The following RFX3 variants were observed in gnomAD, a reference collection of about 807,000 sequenced individuals.
RFX3 encodes the protein transcription factor RFX3.
In RFX3, 14 loss-of-function variants were observed where a neutral mutation model predicts 98.6. That is an observed-to-expected ratio of 0.14 (90% CI 0.09 to 0.22). The LOEUF is 0.22. RFX3 is among the 10% of genes least tolerant of loss of function. RFX3 has a pLI of 1.00. For synonymous variants in RFX3, 383 were observed against 328.4 expected, an observed-to-expected ratio of 1.17 and a Z score of -1.80; for missense variants, 639 against 926.9, an observed-to-expected ratio of 0.69 and a Z score of 4.03.
chr9:3,466,684 T>C (rs1848251313), intron 1 of RFX3, among the ~76,000 whole-genome samples: 1 of 152,076 alleles, frequency 6.6e-6, no homozygotes, highest in Admixed American at 6.6e-5. Context: ...GATTCAAAGA[T>C]AACTAGGTGA....
chr9:3,301,630 G>A lies in RFX3; in HGVS notation c.475-10C>T. 1 of 1,582,840 alleles carries A rather than the reference G, an allele frequency of 6.3e-7. No homozygotes were observed. Among genetic ancestry groups the A allele is most frequent in the Non-Finnish European group, 8.6e-7 (1 of 1,156,246 alleles). ...CAATCGCCATTTCAATCTGATAATA[G>A]ATGTCATTAAAAAAAGGGCTCAAGA... On this transcript the variant is annotated splice_polypyrimidine_tract_variant and intron_variant, in intron 4 of 16. Transcript: ENST00000617270.
At chr9:3,462,747 G>C (rs556418142) in intron 1 of RFX3, among the ~76,000 whole-genome samples, 1 of 152,106 alleles carries the variant, frequency 6.6e-6, no homozygotes, top group East Asian at 1.9e-4. Flanking sequence ...TTCAATACTA[G>C]TCATATTGTA....
At chr9:3,424,397 T>C (rs901824565) in intron 1 of RFX3, among the ~76,000 whole-genome samples, 1 of 130,888 alleles carries the variant, frequency 7.6e-6, no homozygotes, top group African/African-American at 2.9e-5. Flanking sequence ...AGTCTCGCTC[T>C]GTCGCCCAGG....
chr9:3,305,850 A>T (rs1359073122), intron 4 of RFX3, among the ~76,000 whole-genome samples: 4 of 152,064 alleles, frequency 2.6e-5, no homozygotes. Context: ...TGTAGGTTAG[A>T]TATTTAAGTA....
chr9:3,304,662 C>G (rs1194828097), intron 4 of RFX3, among the ~76,000 whole-genome samples: 4 of 151,868 alleles, frequency 2.6e-5, no homozygotes, highest in Non-Finnish European at 5.9e-5. Context: ...AAAGGGTTTC[C>G]CCTTTTGCTT....
At chr9:3,429,111 CT>C (rs1844396938) in intron 1 of RFX3, among the ~76,000 whole-genome samples, 1 of 151,110 alleles carries the variant, frequency 6.6e-6, no homozygotes, top group South Asian at 2.1e-4. Context: ...CAAGCTCCGC[CT>C]CCCGGGTTCA....
chr9:3,465,861 A>C (rs1360090598), intron 1 of RFX3, among the ~76,000 whole-genome samples: 2 of 152,144 alleles, frequency 1.3e-5, no homozygotes, highest in Non-Finnish European at 2.9e-5. Context: ...GGGGAACTTG[A>C]CTATTCCTAA....
At chr9:3,244,199 T>A (rs1446365924) in intron 15 of RFX3, among the ~76,000 whole-genome samples, 2 of 151,780 alleles carry the variant, frequency 1.3e-5, no homozygotes, top group Non-Finnish European at 2.9e-5. Context: ...AGAGACAGGG[T>A]TTCACCATAT....
At chr9:3,418,246 C>T (rs1843142335) in intron 1 of RFX3, among the ~76,000 whole-genome samples, 1 of 152,150 alleles carries the variant, frequency 6.6e-6, no homozygotes, top group Admixed American at 6.5e-5. Context: ...GTTCTTACCG[C>T]CTTAGAGTGA....
chr9:3,468,825 A>AG (rs1335153439), intron 1 of RFX3, among the ~76,000 whole-genome samples: 1 of 150,976 alleles, frequency 6.6e-6, no homozygotes, highest in Non-Finnish European at 1.5e-5. Flanking sequence ...GAAAAAAAAA[A>AG]AAAAAAGAAA....
intron 1 of RFX3, among the ~76,000 whole-genome samples, chr9:3,429,387 T>TAA (rs909541158): frequency 4.0e-5 from 6 of 149,668 alleles, no homozygotes; most frequent in African/African-American, 1.5e-4. Context: ...TATGTAATCT[T>TAA]AATATATACC....
chr9:3,505,540 G>A (rs943409044), intron 1 of RFX3, among the ~76,000 whole-genome samples: 1 of 119,244 alleles, frequency 8.4e-6, no homozygotes, highest in African/African-American at 3.0e-5. Context: ...AGGGGGTAAA[G>A]AGAAAGGCAG....
chr9:3,229,833 G>C, intron 15 of RFX3, among the ~76,000 whole-genome samples: 1 of 152,180 alleles, frequency 6.6e-6, no homozygotes, highest in East Asian at 1.9e-4. Flanking sequence ...CATGATAGGA[G>C]TATTTTTTTC....
chr9:3,376,621 C>T (rs559677364), intron 2 of RFX3, among the ~76,000 whole-genome samples: 28 of 152,224 alleles, frequency 1.8e-4, no homozygotes, highest in African/African-American at 6.0e-4. Flanking sequence ...AGAGCTTCTG[C>T]ACAGCAAAAG....
intron 1 of RFX3, among the ~76,000 whole-genome samples, chr9:3,422,130 A>C (rs1440882102): frequency 2.0e-5 from 3 of 152,222 alleles, no homozygotes; most frequent in African/African-American, 7.2e-5. Flanking sequence ...GCTGGAGAAC[A>C]AAACTGAACC....
At chr9:3,480,375 CGAAAACACAAAAGCA>C (rs1483209787) in intron 1 of RFX3, among the ~76,000 whole-genome samples, 5 of 152,192 alleles carry the variant, frequency 3.3e-5, no homozygotes, top group Non-Finnish European at 4.4e-5. Context: ...TCCTCTCTCT[CGAAAACACAAAAGCA>C]TAAGTTGTCG....
At chr9:3,319,209 C>T (rs540567761) in intron 4 of RFX3, among the ~76,000 whole-genome samples, 1 of 152,192 alleles carries the variant, frequency 6.6e-6, no homozygotes. Context: ...TTTTCAGTAT[C>T]CCCTGGGCAC....
intron 2 of RFX3, among the ~76,000 whole-genome samples, chr9:3,375,837 G>A (rs967170430): frequency 1.3e-5 from 2 of 152,124 alleles, no homozygotes; most frequent in African/African-American, 4.8e-5. Flanking sequence ...GCACACGCCT[G>A]TAGTCCCAGT....
At chr9:3,517,016 C>A (rs1335730004) in intron 1 of RFX3, among the ~76,000 whole-genome samples, 2 of 152,228 alleles carry the variant, frequency 1.3e-5, no homozygotes, top group Non-Finnish European at 2.9e-5. Flanking sequence ...ATTATGCTAG[C>A]ACCAGGCTGT....
Sources: gnomAD v4.1 joint callset for allele counts (sites outside exome capture counted in the v4.1 genomes callset) on GRCh38, gnomAD v4.1.1 for gene constraint, MANE v1.5 for transcripts, NCBI Gene and HGNC (gene_info 2026-07-23, HGNC 2026-07-21) for gene names.